The following MACROD2 variants were observed in gnomAD, a reference collection of about 807,000 sequenced individuals.
MACROD2 encodes mono-ADP ribosylhydrolase 2, also known as ADP-ribose glycohydrolase MACROD2.
In MACROD2, 36 loss-of-function variants were observed where a neutral mutation model predicts 70.4. The observed-to-expected ratio is 0.51, with a 90% confidence interval of 0.39 to 0.68. MACROD2 has a LOEUF of 0.68. Ranked by LOEUF, MACROD2 falls within the 30% of genes least tolerant of loss-of-function variation. The pLI, the probability that MACROD2 is intolerant of heterozygous loss-of-function variation, is 0.00. For missense variants in MACROD2, 496 were observed against 538.4 expected (o/e 0.92, Z 0.78); for synonymous variants, 172 against 178.8 (o/e 0.96, Z 0.30).
chr20:14,563,058 A>G (rs2123296616), intron 4 of MACROD2, among the ~76,000 whole-genome samples: 1 of 151,996 alleles, frequency 6.6e-6, no homozygotes, highest in East Asian at 1.9e-4. Context: ...TACTTGGGCT[A>G]GATTAGACTG....
intron 3 of MACROD2, among the ~76,000 whole-genome samples, chr20:14,473,296 T>TC (rs1411272859): frequency 1.3e-5 from 2 of 152,182 alleles, no homozygotes; most frequent in Admixed American, 6.5e-5. Context: ...CCTCTCCACA[T>TC]CCACCTGTAG....
At chr20:15,135,332 C>T (rs1463908070) in intron 5 of MACROD2, among the ~76,000 whole-genome samples, 22 of 151,760 alleles carry the variant, frequency 1.4e-4, no homozygotes, top group African/African-American at 2.4e-4. Flanking sequence ...ACTGGCAAAG[C>T]GAATCCAGCA....
intron 6 of MACROD2, among the ~76,000 whole-genome samples, chr20:15,411,390 C>G (rs1463535069): frequency 6.6e-6 from 1 of 151,914 alleles, no homozygotes. Flanking sequence ...ATTTTATCTG[C>G]CAATGGGAAA....
chr20:14,504,534 T>G (rs1003880907), intron 4 of MACROD2, among the ~76,000 whole-genome samples: 1 of 152,180 alleles, frequency 6.6e-6, no homozygotes, highest in African/African-American at 2.4e-5. Flanking sequence ...TCTCTAAACC[T>G]TCTTATTCTG....
At position 15,401,182 on chromosome 20, in the gene MACROD2, C is replaced by A. The variant is rs975156472; in HGVS notation, c.541-30223C>A. On this transcript the variant is annotated intron_variant, in intron 6 of 17. Coordinates refer to ENST00000684519, the MANE Select transcript of MACROD2 (RefSeq NM_001351661.2). The stretch of plus-strand genomic sequence containing the variant: ...CCTCCCGAGTAGCTGGGACTACAGG[C>A]GCCCACCACCACGCCCGGCTAATTT... Among the ~76,000 whole-genome samples the A allele has an allele frequency of 1.6e-4, 24 of 152,158 alleles. No individual in the cohort carries two copies. In the East Asian group the frequency reaches 4.7e-3, roughly 29 times the overall value.
chr20:14,734,910 AGTACTG>A (rs1256728831), intron 5 of MACROD2, among the ~76,000 whole-genome samples: 1 of 152,182 alleles, frequency 6.6e-6, no homozygotes, highest in African/African-American at 2.4e-5. Flanking sequence ...TTCAACAAAT[AGTACTG>A]GGATGACTGA....
At position 14,178,680 on chromosome 20, in the gene MACROD2, A is replaced by C. The variant is rs2148729468; in HGVS notation, c.271+92952A>C. On this transcript the variant is annotated intron_variant, in intron 3 of 17. Coordinates refer to ENST00000684519, the MANE Select transcript of MACROD2 (RefSeq NM_001351661.2). ...CTTTGACTCTTAGAATCATAGTAAT[A>C]TTTTACACAGAAAACAAAGTAAATA... Among the ~76,000 whole-genome samples, 3 of 145,802 alleles carry C rather than the reference A, an allele frequency of 2.1e-5. No homozygotes were observed. The Middle Eastern group carries it at 0.011, about 552-fold the overall frequency.
chr20:14,418,928 T>C (rs144541902), intron 3 of MACROD2, among the ~76,000 whole-genome samples: 1 of 152,212 alleles, frequency 6.6e-6, no homozygotes, highest in Admixed American at 6.5e-5. Context: ...GGAGTTCTTA[T>C]CTTGGACAAC....
chr20:14,543,984 C>G (rs2123240640), intron 4 of MACROD2, among the ~76,000 whole-genome samples: 1 of 152,274 alleles, frequency 6.6e-6, no homozygotes, highest in Admixed American at 6.5e-5. Flanking sequence ...CACTAAATGT[C>G]TATTTGGCTG....
At chr20:15,096,597 C>T (rs1467836223) in intron 5 of MACROD2, among the ~76,000 whole-genome samples, 11 of 150,926 alleles carry the variant, frequency 7.3e-5, no homozygotes, top group African/African-American at 2.2e-4. Flanking sequence ...GTGCAGCCTC[C>T]GCCTGCCAGG....
intron 8 of MACROD2, among the ~76,000 whole-genome samples, chr20:15,689,944 C>G (rs142875504): frequency 1.4e-4 from 21 of 152,332 alleles, no homozygotes; most frequent in Non-Finnish European, 2.9e-4. Context: ...AAAGGCACAG[C>G]CCCTCCATTC....
At chr20:14,142,562 A>G (rs2054890689) in intron 3 of MACROD2, among the ~76,000 whole-genome samples, 1 of 152,190 alleles carries the variant, frequency 6.6e-6, no homozygotes, top group African/African-American at 2.4e-5. Flanking sequence ...GTCAAGCATT[A>G]TGAAGCTGCC....
chr20:15,975,849 A>C (rs1312068085), intron 13 of MACROD2, among the ~76,000 whole-genome samples: 3 of 152,242 alleles, frequency 2.0e-5, no homozygotes, highest in Admixed American at 1.3e-4. Context: ...ACAATAGGAA[A>C]GTAAGTTTTA....
At chr20:14,134,494 AC>A (rs1358917864) in intron 3 of MACROD2, among the ~76,000 whole-genome samples, 3 of 151,780 alleles carry the variant, frequency 2.0e-5, no homozygotes, top group African/African-American at 7.3e-5. Flanking sequence ...GTCAACATTA[AC>A]CTCTTTTTCG....
chr20:15,394,886 A>G (rs1199640134), intron 6 of MACROD2, among the ~76,000 whole-genome samples: 1 of 152,172 alleles, frequency 6.6e-6, no homozygotes, highest in African/African-American at 2.4e-5. Context: ...AAACTGAATG[A>G]GCATTTTGTA....
intron 5 of MACROD2, among the ~76,000 whole-genome samples, chr20:15,191,907 C>A (rs2076572892): frequency 8.8e-6 from 1 of 113,210 alleles, no homozygotes; most frequent in Non-Finnish European, 1.8e-5. Context: ...TAGAAAACTA[C>A]ACATATGTGT....
intron 3 of MACROD2, among the ~76,000 whole-genome samples, chr20:14,147,242 G>C (rs570215768): frequency 1.3e-5 from 2 of 152,128 alleles, no homozygotes; most frequent in Non-Finnish European, 2.9e-5. Flanking sequence ...TCCCAAGGTG[G>C]CATAGTGTGT....
chr20:15,890,020 T>C (rs2064868835), intron 10 of MACROD2, among the ~76,000 whole-genome samples: 1 of 152,160 alleles, frequency 6.6e-6, no homozygotes, highest in Admixed American at 6.5e-5. Context: ...AGAGGCCATA[T>C]GTATCTGTGA....
chr20:14,168,390 T>TA (rs1377453700), intron 3 of MACROD2, among the ~76,000 whole-genome samples: 6 of 152,216 alleles, frequency 3.9e-5, no homozygotes, highest in African/African-American at 1.4e-4. Context: ...GACTTTTTTT[T>TA]AGAGCAGTTT....
Sources: gnomAD v4.1 joint callset for allele counts (sites outside exome capture counted in the v4.1 genomes callset) on GRCh38, gnomAD v4.1.1 for gene constraint, MANE v1.5 for transcripts, NCBI Gene and HGNC (gene_info 2026-07-23, HGNC 2026-07-21) for gene names.